CNTNAP2: variants seen among roughly 807,000 people sequenced by gnomAD.
CNTNAP2 encodes contactin-associated protein-like 2.
In CNTNAP2, 98 loss-of-function variants were observed where a neutral mutation model predicts 155.2. The ratio of observed to expected loss-of-function variants is 0.63; its 90% confidence interval spans 0.54 to 0.75. CNTNAP2 has a LOEUF of 0.75. Among genes scored for constraint, CNTNAP2 ranks in the 30% least tolerant of loss-of-function variants. CNTNAP2 has a pLI of 0.00. For synonymous variants in CNTNAP2, 651 were observed against 631.2 expected (o/e 1.03, Z -0.47); for missense variants, 1,727 against 1,688.1 (o/e 1.02, Z -0.40).
intron 15 of CNTNAP2, among the ~76,000 whole-genome samples, chr7:148,033,614 A>G (rs925159907): frequency 2.6e-5 from 4 of 152,172 alleles, no homozygotes; most frequent in Non-Finnish European, 5.9e-5. Context: ...AGAGATGTCT[A>G]TTGCTTGGAA....
At chr7:146,743,068 C>G (rs999597314) in intron 1 of CNTNAP2, among the ~76,000 whole-genome samples, 1 of 151,548 alleles carries the variant, frequency 6.6e-6, no homozygotes, top group African/African-American at 2.4e-5. Flanking sequence ...GCATCGAAAC[C>G]CTGATAGGTA....
chr7:146,828,942 AT>A (rs1803459307), intron 2 of CNTNAP2, among the ~76,000 whole-genome samples: 1 of 152,050 alleles, frequency 6.6e-6, no homozygotes, highest in Non-Finnish European at 1.5e-5. Flanking sequence ...ACTTAATCAA[AT>A]TTGGATTTGC....
chr7:147,412,439 C>A (rs1478793662), intron 10 of CNTNAP2, among the ~76,000 whole-genome samples: 2 of 152,144 alleles, frequency 1.3e-5, no homozygotes, highest in Non-Finnish European at 2.9e-5. Context: ...GGGGAGCCAT[C>A]TCAGGATCTG....
At chr7:147,378,712 C>A (rs1796483250) in intron 9 of CNTNAP2, among the ~76,000 whole-genome samples, 2 of 151,936 alleles carry the variant, frequency 1.3e-5, no homozygotes, top group African/African-American at 4.8e-5. Context: ...GTAACTAAAG[C>A]CAACAATATT....
intron 17 of CNTNAP2, among the ~76,000 whole-genome samples, chr7:148,163,926 T>A (rs1805599902): frequency 6.6e-6 from 1 of 151,758 alleles, no homozygotes; most frequent in South Asian, 2.1e-4. Context: ...ACCACAGGTA[T>A]TTTGTTTTGT....
chr7:148,057,949 G>A (rs1373074339), intron 15 of CNTNAP2, among the ~76,000 whole-genome samples: 1 of 79,328 alleles, frequency 1.3e-5, no homozygotes, highest in African/African-American at 4.1e-5. Context: ...TCAGCTTCCA[G>A]CTTATTATTA....
intron 9 of CNTNAP2, among the ~76,000 whole-genome samples, chr7:147,360,958 C>A (rs1015831801): frequency 6.6e-6 from 1 of 152,124 alleles, no homozygotes; most frequent in Non-Finnish European, 1.5e-5. Flanking sequence ...GGATTTTCAA[C>A]TGAAGGTCAT....
At chr7:147,363,493 T>C (rs1796177878) in intron 9 of CNTNAP2, among the ~76,000 whole-genome samples, 1 of 152,246 alleles carries the variant, frequency 6.6e-6, no homozygotes, top group African/African-American at 2.4e-5. Context: ...TTTTTCTAAC[T>C]GCACATTAGC....
intron 10 of CNTNAP2, among the ~76,000 whole-genome samples, chr7:147,453,373 C>T (rs929664493): frequency 4.6e-5 from 7 of 152,120 alleles, no homozygotes; most frequent in African/African-American, 9.7e-5. Flanking sequence ...CCATTAGATA[C>T]TTTTCTCATT....
chr7:147,932,486 T>C (rs1800524104), intron 14 of CNTNAP2, among the ~76,000 whole-genome samples: 1 of 152,176 alleles, frequency 6.6e-6, no homozygotes, highest in Non-Finnish European at 1.5e-5. Context: ...ATAAATAGTG[T>C]TGGGGCATTG....
At chr7:147,623,289 C>T (rs1436362156) in intron 12 of CNTNAP2, among the ~76,000 whole-genome samples, 2 of 151,894 alleles carry the variant, frequency 1.3e-5, no homozygotes, top group African/African-American at 4.8e-5. Flanking sequence ...TAAAGGGCAT[C>T]CAAATTGGAG....
At chr7:146,552,686 A>G (rs887621900) in intron 1 of CNTNAP2, among the ~76,000 whole-genome samples, 3 of 152,036 alleles carry the variant, frequency 2.0e-5, no homozygotes, top group African/African-American at 7.2e-5. Context: ...GTAATGTATG[A>G]GACCCCTCTT....
intron 21 of CNTNAP2, among the ~76,000 whole-genome samples, chr7:148,335,627 A>G (rs1250475671): frequency 6.6e-6 from 1 of 152,202 alleles, no homozygotes; most frequent in African/African-American, 2.4e-5. Context: ...AAGAACTGAA[A>G]TGTGATGGCT....
chr7:146,333,920 T>C (rs1801227353), intron 1 of CNTNAP2, among the ~76,000 whole-genome samples: 1 of 152,190 alleles, frequency 6.6e-6, no homozygotes, highest in Non-Finnish European at 1.5e-5. Context: ...TAAATGCATT[T>C]ATTTAAAACT....
intron 15 of CNTNAP2, among the ~76,000 whole-genome samples, chr7:148,058,761 T>C (rs964053426): frequency 1.3e-5 from 2 of 152,200 alleles, no homozygotes; most frequent in South Asian, 4.1e-4. Context: ...ACCCAAATTT[T>C]AATTCCCATA....
At chr7:147,875,614 C>G (rs1799409384) in intron 13 of CNTNAP2, among the ~76,000 whole-genome samples, 1 of 151,970 alleles carries the variant, frequency 6.6e-6, no homozygotes, top group African/African-American at 2.4e-5. Flanking sequence ...TTAACATGAC[C>G]AGGCACAATG....
intron 17 of CNTNAP2, among the ~76,000 whole-genome samples, chr7:148,163,752 C>T (rs1185989867): frequency 2.0e-5 from 3 of 152,214 alleles, no homozygotes; most frequent in African/African-American, 7.2e-5. Flanking sequence ...CAATATCTAG[C>T]TGACAGAGAA....
chr7:146,382,101 G>T (rs1389734363), intron 1 of CNTNAP2, among the ~76,000 whole-genome samples: 2 of 152,162 alleles, frequency 1.3e-5, no homozygotes, highest in Non-Finnish European at 2.9e-5. Flanking sequence ...GCTTGAGCAA[G>T]GTATTGTCAG....
chr7:146,905,865 T>C (rs796940357), intron 3 of CNTNAP2, among the ~76,000 whole-genome samples: 1 of 152,098 alleles, frequency 6.6e-6, no homozygotes, highest in South Asian at 2.1e-4. Flanking sequence ...GATGGGTGAT[T>C]TCTGGAAATC....
Sources: gnomAD v4.1 joint callset for allele counts (sites outside exome capture counted in the v4.1 genomes callset) on GRCh38, gnomAD v4.1.1 for gene constraint, MANE v1.5 for transcripts, NCBI Gene and HGNC (gene_info 2026-07-23, HGNC 2026-07-21) for gene names.